The following ADGRB3 variants were observed in gnomAD, a reference collection of about 807,000 sequenced individuals.
ADGRB3 encodes brain-specific angiogenesis inhibitor 3.
A neutral mutation model predicts 193.4 loss-of-function variants in ADGRB3; 37 were observed. The observed-to-expected ratio is 0.19, with a 90% CI of 0.15 to 0.25. The LOEUF is 0.25. Among genes scored for constraint, ADGRB3 ranks in the 10% least tolerant of loss-of-function variants. The probability of loss-of-function intolerance (pLI) is 1.00; values close to 1 mark genes in which losing one functional copy is unlikely to be tolerated. For missense variants in ADGRB3, 1,637 were observed against 1,852.9 expected (o/e 0.88, Z 2.14); for synonymous variants, 690 against 644.2 (o/e 1.07, Z -1.08).
intron 13 of ADGRB3, among the ~76,000 whole-genome samples, chr6:69,020,984 C>T (rs1017880076): frequency 6.6e-6 from 1 of 151,922 alleles, no homozygotes; most frequent in Admixed American, 6.6e-5. Flanking sequence ...TGTTTTTGAG[C>T]ATGGACATAA....
intron 3 of ADGRB3, among the ~76,000 whole-genome samples, chr6:68,737,000 C>T (rs1582159711): frequency 6.6e-6 from 1 of 151,906 alleles, no homozygotes; most frequent in East Asian, 1.9e-4. Context: ...AACATTTTCC[C>T]ATATAGTAGC....
chr6:69,052,746 C>T (rs1771436131), intron 15 of ADGRB3, among the ~76,000 whole-genome samples: 1 of 152,148 alleles, frequency 6.6e-6, no homozygotes, highest in African/African-American at 2.4e-5. Context: ...TTTTATTTTA[C>T]TATTCAATTG....
chr6:69,331,731 T>G, intron 23 of ADGRB3: 1 of 985,194 alleles, frequency 1.0e-6, no homozygotes, highest in Non-Finnish European at 1.2e-6. Flanking sequence ...AATATAACAC[T>G]AAAATGAAGA....
chr6:68,654,012 C>T (rs576450962), intron 3 of ADGRB3, among the ~76,000 whole-genome samples: 11 of 151,956 alleles, frequency 7.2e-5, no homozygotes, highest in East Asian at 3.9e-4. Context: ...ATAATTTGCA[C>T]GGAATCTGTT....
At chr6:68,911,271 G>C (rs1177774405) in intron 3 of ADGRB3, among the ~76,000 whole-genome samples, 7 of 120,820 alleles carry the variant, frequency 5.8e-5, no homozygotes, top group Admixed American at 3.0e-4. Context: ...CTGTTGTGGG[G>C]TGGGGGGAGG....
At chr6:68,993,199 TTA>T (rs942332257) in intron 10 of ADGRB3, among the ~76,000 whole-genome samples, 3 of 141,060 alleles carry the variant, frequency 2.1e-5, no homozygotes, top group Non-Finnish European at 3.2e-5. Context: ...CTGTTTTTTT[TTA>T]AAAAAAAAGC....
At chr6:68,939,586 A>G (rs6919909) in intron 5 of ADGRB3, among the ~76,000 whole-genome samples, 11,340 of 152,252 alleles carry the variant, frequency 0.074, 471 homozygotes, top group Middle Eastern at 0.1. Flanking sequence ...AGCAAACTAA[A>G]AATATAGAAT....
intron 20 of ADGRB3, among the ~76,000 whole-genome samples, chr6:69,298,561 G>A (rs754040990): frequency 2.6e-5 from 4 of 151,596 alleles, no homozygotes; most frequent in South Asian, 2.1e-4. Context: ...CCAGCATCTC[G>A]TAACCATCAT....
intron 17 of ADGRB3, among the ~76,000 whole-genome samples, chr6:69,189,401 T>G (rs1266766545): frequency 6.6e-6 from 1 of 152,232 alleles, no homozygotes; most frequent in Non-Finnish European, 1.5e-5. Context: ...TGATGCTGTT[T>G]CATATTAAAG....
intron 13 of ADGRB3, among the ~76,000 whole-genome samples, chr6:69,023,604 G>A (rs1770334494): frequency 6.6e-6 from 1 of 152,148 alleles, no homozygotes. Context: ...AAGGCATGTT[G>A]ATTCATGGTT....
At chr6:68,772,498 G>T (rs1309062234) in intron 3 of ADGRB3, among the ~76,000 whole-genome samples, 1 of 151,934 alleles carries the variant, frequency 6.6e-6, no homozygotes, top group African/African-American at 2.4e-5. Context: ...AATATGTTCA[G>T]CTTTAAAAAA....
intron 30 of ADGRB3, among the ~76,000 whole-genome samples, chr6:69,372,648 A>G (rs572301934): frequency 6.6e-6 from 1 of 152,154 alleles, no homozygotes; most frequent in Admixed American, 6.5e-5. Context: ...CTAAACTGAG[A>G]TTTTCTGGAC....
At chr6:68,770,367 C>G (rs941085024) in intron 3 of ADGRB3, among the ~76,000 whole-genome samples, 1 of 152,134 alleles carries the variant, frequency 6.6e-6, no homozygotes, top group Non-Finnish European at 1.5e-5. Context: ...TTCTGCATCT[C>G]ATTAGCATCT....
intron 3 of ADGRB3, among the ~76,000 whole-genome samples, chr6:68,697,880 G>A (rs533247579): frequency 1.6e-4 from 24 of 151,772 alleles, no homozygotes; most frequent in Non-Finnish European, 2.9e-4. Flanking sequence ...AAATAATGTT[G>A]TACAAGTTAT....
rs554663102 is a variant in ADGRB3, at chr6:69,249,137, C to T, written c.2814+9911C>T. Among the ~76,000 whole-genome samples, 13 of 152,172 alleles carry T rather than the reference C, an allele frequency of 8.5e-5. No individual in the cohort carries two copies. In the South Asian group the frequency reaches 2.1e-3, roughly 24 times the overall value. On this transcript the variant is annotated intron_variant, in intron 20 of 31. Transcript: ENST00000370598. ...GGATTACAGGTGTGCATCACCATGC[C>T]CGGCTAATTATTGTATTTTTAGTAG...
At chr6:68,980,613 A>G (rs762228118) in intron 10 of ADGRB3, among the ~76,000 whole-genome samples, 1 of 151,548 alleles carries the variant, frequency 6.6e-6, no homozygotes, top group African/African-American at 2.4e-5. Context: ...TTTACAACAA[A>G]TATGTATTGA....
At chr6:68,691,734 G>A (rs1357930427) in intron 3 of ADGRB3, among the ~76,000 whole-genome samples, 1 of 151,554 alleles carries the variant, frequency 6.6e-6, no homozygotes, top group Non-Finnish European at 1.5e-5. Context: ...AGCTACAATA[G>A]GTGCTAATGT....
intron 17 of ADGRB3, among the ~76,000 whole-genome samples, chr6:69,195,312 T>G (rs965430570): frequency 1.3e-5 from 2 of 152,108 alleles, no homozygotes; most frequent in East Asian, 1.9e-4. Flanking sequence ...AGAGGATCAC[T>G]TAAGCCCAGT....
intron 20 of ADGRB3, among the ~76,000 whole-genome samples, chr6:69,297,503 G>A (rs1767855660): frequency 6.6e-6 from 1 of 151,638 alleles, no homozygotes; most frequent in Admixed American, 6.6e-5. Context: ...GGAAGCAAAG[G>A]TGATAGCTCC....
Sources: allele counts gnomAD v4.1 joint callset (sites outside exome capture counted in the v4.1 genomes callset), GRCh38; gene constraint gnomAD v4.1.1; transcripts MANE v1.5; gene names NCBI Gene and HGNC (gene_info 2026-07-23, HGNC 2026-07-21).